The following CACNA1B variants were observed in gnomAD, a reference collection of about 807,000 sequenced individuals.
The protein encoded by CACNA1B is voltage-dependent N-type calcium channel subunit alpha-1B.
A neutral mutation model predicts 247.2 loss-of-function variants in CACNA1B; 70 were observed. That is an observed-to-expected ratio of 0.28 (90% CI 0.23 to 0.35). The LOEUF is 0.35. Ranked by LOEUF, CACNA1B falls within the 10% of genes least tolerant of loss-of-function variation. The pLI is 1.00. For synonymous variants in CACNA1B, 1,231 were observed against 1,294.4 expected, an observed-to-expected ratio of 0.95 and a Z score of 1.05; for missense variants, 2,367 against 3,197.4, an observed-to-expected ratio of 0.74 and a Z score of 6.26.
intron 15 of CACNA1B, among the ~76,000 whole-genome samples, chr9:137,993,211 C>CA (rs201991241): frequency 4.9e-4 from 74 of 151,280 alleles, no homozygotes; most frequent in African/African-American, 1.6e-3. Context: ...GAAATTGAAA[C>CA]AAAAAAAATT....
intron 36 of CACNA1B, among the ~76,000 whole-genome samples, chr9:138,084,856 G>A (rs1960642255): frequency 1.3e-5 from 2 of 150,522 alleles, no homozygotes; most frequent in Admixed American, 1.3e-4. Context: ...GGAGGCTGAG[G>A]CAAGAGAATG....
intron 20 of CACNA1B, among the ~76,000 whole-genome samples, chr9:138,035,891 A>C (rs1221757111): frequency 6.6e-6 from 1 of 152,170 alleles, no homozygotes; most frequent in Non-Finnish European, 1.5e-5. Flanking sequence ...TATATATTGA[A>C]AGTTTAAATT....
At position 137,993,354 on chromosome 9, in the gene CACNA1B, G is replaced by GTCTAGATTAAATTTTTGTCTA. The variant is rs1554744040; in HGVS notation, c.1974+6507_1974+6508insTAAATTTTTGTCTATCTAGAT. On this transcript the variant is annotated intron_variant, in intron 15 of 46. Coordinates refer to ENST00000371372, the MANE Select transcript of CACNA1B (RefSeq NM_000718.4). ...TTTTGTCTATCTAGATTAAATTTTT[G>GTCTAGATTAAATTTTTGTCTA]TCTAGATAGATTAAATTTTTATTTT... 3.0e-4 allele frequency among the ~76,000 whole-genome samples: 46 copies of GTCTAGATTAAATTTTTGTCTA among 151,108 alleles called. No homozygotes were observed. The East Asian group carries it at 8.8e-3, about 29-fold the overall frequency.
intron 10 of CACNA1B, among the ~76,000 whole-genome samples, chr9:137,967,951 C>G (rs1265334620): frequency 6.6e-6 from 1 of 152,242 alleles, no homozygotes; most frequent in Non-Finnish European, 1.5e-5. Flanking sequence ...GCGTTCACCT[C>G]CACGTTGGAG....
rs184214665 is a variant in CACNA1B, at chr9:138,102,232, C to T, written c.5223-479C>T. ...AGCCTCACTTGGAAGCAAATCTGAC[C>T]GTGAGGAAAGCTGATGTCTCTGCCG... is the stretch of plus-strand genomic sequence containing the variant. On this transcript the variant is annotated intron_variant, in intron 37 of 46. Coordinates refer to ENST00000371372, the MANE Select transcript of CACNA1B (RefSeq NM_000718.4). The surrounding 1 kb of genome is among the most constrained non-coding windows in gnomAD (Gnocchi z 5.4). Among the ~76,000 whole-genome samples, 26 of 152,302 alleles carry T rather than the reference C, an allele frequency of 1.7e-4. No homozygotes were observed. The highest frequency in any genetic ancestry group is 3.4e-3 in the Middle Eastern group (1 of 294).
At chr9:137,969,828 C>T (rs1310120151) in intron 10 of CACNA1B, among the ~76,000 whole-genome samples, 1 of 152,102 alleles carries the variant, frequency 6.6e-6, no homozygotes, top group East Asian at 1.9e-4. Flanking sequence ...CACAGCTCTG[C>T]CTGTGTGTGT....
chr9:137,908,482 T>C (rs1448275281), intron 3 of CACNA1B, among the ~76,000 whole-genome samples: 1 of 151,692 alleles, frequency 6.6e-6, no homozygotes, highest in African/African-American at 2.4e-5. Flanking sequence ...CGCCATTGCA[T>C]TCCAGCCTGG....
chr9:137,919,737 C>T lies in CACNA1B; in HGVS notation c.966+2306C>T, dbSNP rs186324560. Among the ~76,000 whole-genome samples the T allele has an allele frequency of 5.5e-3, 837 of 152,296 alleles. 5 individuals are homozygous for T. Among genetic ancestry groups the T allele is most frequent in the Middle Eastern group, 0.031 (9 of 294 alleles). On this transcript the variant is annotated intron_variant, in intron 6 of 46. Coordinates refer to ENST00000371372, the MANE Select transcript of CACNA1B (RefSeq NM_000718.4). This position sits in a 1 kb window ranked among gnomAD's most constrained non-coding sequence, Gnocchi z 4.6. ...AGGCAGAGAGATGGAAAGCTCAGTC[C>T]GTGTTGGGAGCAGGAGTGGGGGTGT...
chr9:138,090,456 A>G (rs901350876), intron 36 of CACNA1B, among the ~76,000 whole-genome samples: 2 of 152,124 alleles, frequency 1.3e-5, no homozygotes, highest in Admixed American at 6.5e-5. Context: ...ATCTACTAGA[A>G]TAAAATACAG....
In CACNA1B at chr9:138,011,162, G is replaced by A. The variant is rs559382772; in HGVS notation, c.2160+1085G>A. 5.3e-5 allele frequency among the ~76,000 whole-genome samples: 8 copies of A among 152,190 alleles called. No homozygotes were observed. The highest frequency in any genetic ancestry group is 1.4e-4 in the African/African-American group (6 of 41,434). ...CTCTGTTCCTGTCTTCAGCTGGGCC[G>A]CTTGGGTTGGGGGAGCCCAAGCCCC... On this transcript the variant is annotated intron_variant, in intron 17 of 46. Transcript: ENST00000371372. This position sits in a 1 kb window ranked among gnomAD's most constrained non-coding sequence, Gnocchi z 4.2.
At chr9:138,008,959 C>T (rs1443043868) in intron 16 of CACNA1B, among the ~76,000 whole-genome samples, 1 of 152,194 alleles carries the variant, frequency 6.6e-6, no homozygotes, top group Non-Finnish European at 1.5e-5. Context: ...GCCAGGAGGG[C>T]ACCCCCAATG....
At chr9:138,038,431 A>C (rs1959073649) in intron 20 of CACNA1B, among the ~76,000 whole-genome samples, 1 of 151,480 alleles carries the variant, frequency 6.6e-6, no homozygotes. Context: ...CCACCCCCCC[A>C]CCCCTGTACT....
At chr9:138,104,472 C>T (rs537192604) in intron 38 of CACNA1B, among the ~76,000 whole-genome samples, 193 of 152,336 alleles carry the variant, frequency 1.3e-3, no homozygotes, top group African/African-American at 3.8e-3. Flanking sequence ...TCCGGGAAGC[C>T]GTTTACTCCT....
Position 137,971,534 on chromosome 9 carries a change from C to T in CACNA1B, c.1485C>T (p.Asn495=). Residue 495 remains asparagine, a synonymous_variant, in exon 11 of 47, where the codon AAC becomes AAT. Transcript: ENST00000371372. The surrounding 1 kb of genome is among the most constrained non-coding windows in gnomAD (Gnocchi z 4.4). ...TGGTGCTGTGCGTGGTGGCCCTGAA[C>T]ACACTGTGTGTGGCCATGGTGCATT... ...YWVVLCVVAL[N]TLCVAMVHYN... The T allele has an allele frequency of 6.2e-7, 1 of 1,613,770 alleles. No homozygotes were observed. The highest frequency in any genetic ancestry group is 8.5e-7 in the Non-Finnish European group (1 of 1,179,788).
intron 20 of CACNA1B, among the ~76,000 whole-genome samples, chr9:138,037,442 T>C (rs143369715): frequency 1.4e-4 from 22 of 152,302 alleles, no homozygotes; most frequent in African/African-American, 5.1e-4. Flanking sequence ...GAGGATCACC[T>C]GAGGTCAGGC....
rs1307893815 is a variant in CACNA1B at position 138,121,789 on chromosome 9, C to G, written c.6810C>G (p.Val2270=). 6.2e-7 allele frequency: 1 copy of G among 1,613,254 alleles called. No homozygotes were observed. The highest frequency in any genetic ancestry group is 1.7e-5 in the Admixed American group (1 of 60,026). The change falls in exon 47 of 47, where the codon GTC becomes GTG. Residue 2270 remains valine (V), a synonymous_variant. Transcript: ENST00000371372. This position sits in a 1 kb window ranked among gnomAD's most constrained non-coding sequence, Gnocchi z 6.8. ...AGCGTCTGGACAGTGAGGCCTCTGT[C>G]CACGCCCTGCCTGAGGACACTCTCA... ...LGQRLDSEAS[V]HALPEDTLTF...
chr9:137,955,840 T>A lies in CACNA1B; in HGVS notation c.1186+27T>A. The A allele has an allele frequency of 7.0e-7, 1 of 1,426,060 alleles. No homozygotes were observed. Among genetic ancestry groups the A allele is most frequent in the Admixed American group, 1.9e-5 (1 of 53,184 alleles). 88.3% of individuals were successfully genotyped at this position (1,426,060 alleles called of 1,614,324 possible). ...TGAGGGCCCGTGGGAGCCACTGCAC[T>A]CCTGGCCGGCCACTGTTAGTTCTCT... On this transcript the variant is annotated intron_variant, in intron 8 of 46. Coordinates refer to ENST00000371372, the MANE Select transcript of CACNA1B (RefSeq NM_000718.4). The surrounding 1 kb of genome is among the most constrained non-coding windows in gnomAD (Gnocchi z 6.9).
Position 138,073,771 on chromosome 9 carries a change from A to C in CACNA1B, c.4791+167A>C, listed in dbSNP as rs2131313553. Reference sequence around the variant, plus strand: ...GTCATTTATAAAGACGTTTTAAGTCATCTGTAGGTTCCCTTGGTCATGCTC... The same window carrying C: ...GTCATTTATAAAGACGTTTTAAGTCCTCTGTAGGTTCCCTTGGTCATGCTC... On this transcript the variant is annotated intron_variant, in intron 33 of 46. Transcript: ENST00000371372. The surrounding 1 kb of genome is among the most constrained non-coding windows in gnomAD (Gnocchi z 6.4). 6.6e-6 allele frequency among the ~76,000 whole-genome samples: 1 copy of C among 152,320 alleles called. No homozygotes were observed. The highest frequency in any genetic ancestry group is 1.9e-4 in the East Asian group (1 of 5,182).
In CACNA1B at chr9:137,913,359, T is replaced by C. The variant is rs894133190; in HGVS notation, c.622+88T>C. ...CACGGACATGGCCATGGCCATGGTT[T>C]GGCTTTGGTGACTCTGAGCTTGCCA... On this transcript the variant is annotated intron_variant, in intron 4 of 46. Coordinates refer to ENST00000371372, the MANE Select transcript of CACNA1B (RefSeq NM_000718.4). The surrounding 1 kb of genome is among the most constrained non-coding windows in gnomAD (Gnocchi z 5.2). The C allele has an allele frequency of 7.7e-6, 8 of 1,039,972 alleles. No homozygotes were observed. The highest frequency in any genetic ancestry group is 4.3e-6 in the Non-Finnish European group (3 of 690,670). 64.4% of individuals were successfully genotyped at this position (1,039,972 alleles called of 1,614,324 possible).
Sources: gnomAD v4.1 joint callset for allele counts (sites outside exome capture counted in the v4.1 genomes callset) on GRCh38, gnomAD v4.1.1 for gene constraint, Gnocchi (gnomAD v3.1) non-coding constraint, MANE v1.5 for transcripts, NCBI Gene and HGNC (gene_info 2026-07-23, HGNC 2026-07-21) for gene names.